Variants in CNIH3 observed in about 807,000 individuals in gnomAD.
CNIH3 encodes protein cornichon homolog 3.
CNIH3 carries 14 observed loss-of-function variants against 24.1 expected under a neutral mutation model. The ratio of observed to expected loss-of-function variants is 0.58; its 90% CI spans 0.38 to 0.91. The LOEUF is 0.91. Among genes scored for constraint, CNIH3 ranks in the 40% least tolerant of loss-of-function variants. The pLI, the probability that CNIH3 is intolerant of heterozygous loss-of-function variation, is 0.00. For missense variants in CNIH3, 178 were observed against 196.8 expected, an observed-to-expected ratio of 0.90 and a Z score of 0.57; for synonymous variants, 68 against 73.8, an observed-to-expected ratio of 0.92 and a Z score of 0.40.
intron 1 of CNIH3, among the ~76,000 whole-genome samples, chr1:224,472,202 T>C (rs1326748083): frequency 1.3e-5 from 2 of 152,218 alleles, no homozygotes; most frequent in African/African-American, 4.8e-5. Flanking sequence ...TGTATAAGGA[T>C]TCCCTTTTCT....
chr1:224,576,908 A>G (rs1461657627), intron 4 of CNIH3, among the ~76,000 whole-genome samples: 1 of 152,220 alleles, frequency 6.6e-6, no homozygotes, highest in Non-Finnish European at 1.5e-5. Flanking sequence ...GAACCCAGAA[A>G]TAAAGCCAAA....
intron 3 of CNIH3, among the ~76,000 whole-genome samples, chr1:224,554,873 C>CA (rs1228275651): frequency 1.3e-5 from 2 of 152,192 alleles, no homozygotes; most frequent in African/African-American, 4.8e-5. Flanking sequence ...TGGCATGAGT[C>CA]ACTGTGCTTG....
At chr1:224,738,719 TTAG>T (rs968304164) in intron 5 of CNIH3, among the ~76,000 whole-genome samples, 16 of 152,176 alleles carry the variant, frequency 1.1e-4, no homozygotes, top group African/African-American at 3.6e-4. Context: ...CACCCCACTC[TTAG>T]TAGTATTGGG....
chr1:224,661,609 T>C (rs878890184), intron 1 of CNIH3: 2 of 350,964 alleles, frequency 5.7e-6, no homozygotes, highest in South Asian at 2.9e-5. Context: ...ATCTACGTTA[T>C]GAAATGTGAT....
intron 3 of CNIH3, among the ~76,000 whole-genome samples, chr1:224,548,507 CATA>C (rs1243609359): frequency 6.6e-6 from 1 of 151,604 alleles, no homozygotes; most frequent in East Asian, 1.9e-4. Context: ...TGATATTATT[CATA>C]ATATCGATAA....
rs959311703 is a variant in CNIH3 at position 224,704,528 on chromosome 1, C to T, written c.198+19685C>T. On this transcript the variant is annotated intron_variant, in intron 3 of 5. Transcript: ENST00000272133. The surrounding 1 kb of genome is among the most constrained non-coding windows in gnomAD (Gnocchi z 4.2). The stretch of plus-strand genomic sequence containing the variant: ...AGCAGCACAATGAACACCCACGTAG[C>T]CTTCACCAAGATCCGCCGCTTATTC... Among the ~76,000 whole-genome samples, 1 of 152,146 alleles carries T rather than the reference C, an allele frequency of 6.6e-6. No homozygotes were observed. The highest frequency in any genetic ancestry group is 1.5e-5 in the Non-Finnish European group (1 of 68,040).
At chr1:224,647,466 G>A (rs1684665003) in intron 1 of CNIH3, among the ~76,000 whole-genome samples, 1 of 152,244 alleles carries the variant, frequency 6.6e-6, no homozygotes, top group Non-Finnish European at 1.5e-5. Context: ...CTGGGCCTGG[G>A]TGTCGGGGTG....
chr1:224,462,897 C>CT (rs71572901), intron 1 of CNIH3, among the ~76,000 whole-genome samples: 2,004 of 73,174 alleles, frequency 0.027, 47 homozygotes, highest in African/African-American at 0.044. Context: ...ATATGTTTAA[C>CT]TTTTTTTTTT....
Position 224,704,166 on chromosome 1 carries a change from A to G in CNIH3, c.198+19323A>G, listed in dbSNP as rs1687654563. ...GGTGTGTGTCCTGCCTGGTGTGAGC[A>G]GGCTGCATCACCTACAGAGCAGGAC... On this transcript the variant is annotated intron_variant, in intron 3 of 5. Transcript: ENST00000272133. This position sits in a 1 kb window ranked among gnomAD's most constrained non-coding sequence, Gnocchi z 4.2. Among the ~76,000 whole-genome samples the G allele has an allele frequency of 6.7e-6, 1 of 149,790 alleles. No individual in the cohort carries two copies. The highest frequency in any genetic ancestry group is 6.6e-5 in the Admixed American group (1 of 15,174).
intron 3 of CNIH3, among the ~76,000 whole-genome samples, chr1:224,723,744 C>G (rs943158995): frequency 6.6e-6 from 1 of 152,204 alleles, no homozygotes; most frequent in African/African-American, 2.4e-5. Flanking sequence ...GAATAGTGGC[C>G]CAGGCCCCAG....
At chr1:224,548,032 ATAT>A (rs1679770283) in intron 3 of CNIH3, among the ~76,000 whole-genome samples, 1 of 151,906 alleles carries the variant, frequency 6.6e-6, no homozygotes, top group East Asian at 1.9e-4. Flanking sequence ...ACACCACATG[ATAT>A]TATTCATAAC....
chr1:224,513,353 T>TG (rs1678241535), upstream of CNIH3, among the ~76,000 whole-genome samples: 4 of 1,868 alleles, frequency 2.1e-3, no homozygotes, highest in Admixed American at 6.4e-3. Flanking sequence ...GGGGTGGGGG[T>TG]GGGGGTGGGA....
Position 224,734,082 on chromosome 1 carries a change from A to G in CNIH3, c.312-481A>G, listed in dbSNP as rs565987367. Among the ~76,000 whole-genome samples, 624 of 152,340 alleles carry G rather than the reference A, an allele frequency of 4.1e-3. 7 individuals are homozygous for G. The highest frequency in any genetic ancestry group is 0.014 in the African/African-American group (600 of 41,574). Reference sequence around the variant, plus strand: ...ATGTTCTTTTTGAGTTCTAGGTCCCACTATCAAGAAGGAAAGCACCTGTAA... The same window carrying G: ...ATGTTCTTTTTGAGTTCTAGGTCCCGCTATCAAGAAGGAAAGCACCTGTAA... On this transcript the variant is annotated intron_variant, in intron 4 of 5. Coordinates refer to ENST00000272133, the MANE Select transcript of CNIH3 (RefSeq NM_152495.2).
chr1:224,699,791 C>G (rs1376361515), intron 3 of CNIH3, among the ~76,000 whole-genome samples: 2 of 152,186 alleles, frequency 1.3e-5, no homozygotes, highest in African/African-American at 2.4e-5. Flanking sequence ...CCCCTCACCC[C>G]CTACCTGTCC....
chr1:224,496,699 C>T (rs960439045), intron 1 of CNIH3, among the ~76,000 whole-genome samples: 1 of 152,208 alleles, frequency 6.6e-6, no homozygotes, highest in African/African-American at 2.4e-5. Context: ...GTTGTGGAAA[C>T]AGACTCAGTG....
At chr1:224,578,099 C>A (rs1483783514) in intron 4 of CNIH3, among the ~76,000 whole-genome samples, 1 of 152,096 alleles carries the variant, frequency 6.6e-6, no homozygotes, top group Non-Finnish European at 1.5e-5. Context: ...GGACCAAAAT[C>A]TCAGAAATCA....
At chr1:224,595,128 C>G (rs1681923348) in intron 3 of CNIH3, among the ~76,000 whole-genome samples, 1 of 152,182 alleles carries the variant, frequency 6.6e-6, no homozygotes, top group South Asian at 2.1e-4. Flanking sequence ...CTCACTGTAG[C>G]CTTGAACTCC....
chr1:224,587,199 AG>A (rs1385618186), intron 5 of CNIH3: 1 of 152,332 alleles, frequency 6.6e-6, no homozygotes, highest in East Asian at 1.9e-4. Flanking sequence ...CTGAAGGAGC[AG>A]GCAATAGTGA....
At chr1:224,482,308 T>C (rs959079723) in intron 1 of CNIH3, among the ~76,000 whole-genome samples, 1 of 151,702 alleles carries the variant, frequency 6.6e-6, no homozygotes, top group African/African-American at 2.4e-5. Context: ...AGCAGAAGGG[T>C]TCTCTCCTCG....
Sources: allele counts gnomAD v4.1 joint callset (sites outside exome capture counted in the v4.1 genomes callset), GRCh38; gene constraint gnomAD v4.1.1; non-coding constraint Gnocchi (gnomAD v3.1); transcripts MANE v1.5; gene names NCBI Gene and HGNC (gene_info 2026-07-23, HGNC 2026-07-21).